Variants in SH3BGRL observed in about 807,000 individuals in gnomAD.
The protein encoded by SH3BGRL is adapter SH3BGRL.
In SH3BGRL, 7 loss-of-function variants were observed where a neutral mutation model predicts 9.8. The ratio of observed to expected loss-of-function variants is 0.72; its 90% CI spans 0.41 to 1.35. The LOEUF (loss-of-function observed/expected upper bound fraction) is 1.35, where lower values mean the gene tolerates loss of function less well. SH3BGRL is among the 40% of genes most tolerant of loss of function. SH3BGRL has a pLI of 0.01. For synonymous variants in SH3BGRL, 36 were observed against 29.1 expected (o/e 1.24, Z -0.76); for missense variants, 73 against 84.4 (o/e 0.86, Z 0.53).
intron 1 of SH3BGRL, among the ~76,000 whole-genome samples, chrX:81,235,147 C>G (rs1324203969): frequency 9.0e-6 from 1 of 110,841 alleles, no homozygotes; most frequent in East Asian, 2.8e-4. Context: ...ATGCTCCACA[C>G]TGTGCTTAGT....
chrX:81,208,186 C>T (rs773887022), intron 1 of SH3BGRL, among the ~76,000 whole-genome samples: 1 of 110,578 alleles, frequency 9.0e-6, no homozygotes, highest in Non-Finnish European at 1.9e-5. Context: ...GGCCTGAACC[C>T]GGAAGGCAGA....
rs2075800306 is a variant in SH3BGRL at position 81,277,007 on chromosome X, G to A, written c.69G>A (p.Val23=). The part of the protein sequence containing the change: ...STAIKKKQQD[V]LGFLEANKIG... ...AGATTAAGAAGAAACAACAAGATGTGCTTGGTTTCCTAGAAGCCAACAAAA... is the reference window on the plus strand; with the variant it reads ...AGATTAAGAAGAAACAACAAGATGTACTTGGTTTCCTAGAAGCCAACAAAA... Residue 23 remains valine, a synonymous_variant, in exon 2 of 4, where the codon GTG becomes GTA. Coordinates refer to ENST00000373212, the MANE Select transcript of SH3BGRL (RefSeq NM_003022.3). The A allele has an allele frequency of 8.3e-7, 1 of 1,206,679 alleles. No homozygotes were observed. The highest frequency in any genetic ancestry group is 1.8e-5 in the South Asian group (1 of 56,201).
chrX:81,239,819 G>T lies in SH3BGRL; in HGVS notation c.46-37165G>T, dbSNP rs189834228. ...CAATGGAGCTCCAATGCATCTGGCAGCAGACTATTCAGTGGAAACCTTACA... is the reference window on the plus strand; with the variant it reads ...CAATGGAGCTCCAATGCATCTGGCATCAGACTATTCAGTGGAAACCTTACA... On this transcript the variant is annotated intron_variant, in intron 1 of 3. Transcript: ENST00000373212. 3.6e-5 allele frequency among the ~76,000 whole-genome samples: 4 copies of T among 112,367 alleles called. No individual in the cohort carries two copies. The East Asian group carries it at 1.1e-3, about 31-fold the overall frequency.
rs760591780 is a variant in SH3BGRL, at chrX:81,292,933, C to CA, written c.313-4252dup. On this transcript the variant is annotated intron_variant, in intron 3 of 3. Transcript: ENST00000373212. ...ATAGCTGATGAACTAAAAAATATTG[C>CA]AAAAAAAAAATCTCATAATGTTTTA... Among the ~76,000 whole-genome samples, 971 of 107,503 alleles carry CA rather than the reference C, an allele frequency of 9.0e-3. 8 individuals carry two copies. Among genetic ancestry groups the CA allele is most frequent in the African/African-American group, 0.03 (902 of 29,671 alleles). 93.4% of individuals were successfully genotyped at this position (107,503 alleles called of 115,157 possible).
chrX:81,285,844 C>T (rs1245795735), intron 3 of SH3BGRL, among the ~76,000 whole-genome samples: 2 of 111,694 alleles, frequency 1.8e-5, no homozygotes, highest in Non-Finnish European at 3.8e-5. Flanking sequence ...ATTCTAATTA[C>T]ATTTAAAATG....
At chrX:81,229,440 G>T (rs2075626310) in intron 1 of SH3BGRL, among the ~76,000 whole-genome samples, 1 of 111,867 alleles carries the variant, frequency 8.9e-6, no homozygotes, top group African/African-American at 3.3e-5. Context: ...GGGGTTTCTT[G>T]CCTTGGTGTA....
chrX:81,262,990 A>G (rs1411316601), intron 1 of SH3BGRL, among the ~76,000 whole-genome samples: 1 of 111,581 alleles, frequency 9.0e-6, no homozygotes, highest in Non-Finnish European at 1.9e-5. Context: ...TGACTTTGAC[A>G]TGTGAAATGA....
rs762484766 is a variant in SH3BGRL, at chrX:81,253,825, A to G, written c.46-23159A>G. Among the ~76,000 whole-genome samples, 4 of 112,161 alleles carry G rather than the reference A, an allele frequency of 3.6e-5. No homozygotes were observed. The East Asian group carries it at 8.4e-4, about 24-fold the overall frequency. On this transcript the variant is annotated intron_variant, in intron 1 of 3. Transcript: ENST00000373212. Reference sequence around the variant, plus strand: ...TTTGTTCTGTATTATCTTTTCAAAGATGCAAATATCCTTGAAAGATATAGT... The same window carrying G: ...TTTGTTCTGTATTATCTTTTCAAAGGTGCAAATATCCTTGAAAGATATAGT...
intron 1 of SH3BGRL, among the ~76,000 whole-genome samples, chrX:81,239,848 C>T (rs932104734): frequency 2.7e-5 from 3 of 111,732 alleles, no homozygotes; most frequent in Admixed American, 9.5e-5. Context: ...CCTTACAGAC[C>T]GGGAGAGAGT....
At chrX:81,265,424 T>G (rs775654269) in intron 1 of SH3BGRL, among the ~76,000 whole-genome samples, 1 of 110,083 alleles carries the variant, frequency 9.1e-6, no homozygotes, top group East Asian at 2.9e-4. Flanking sequence ...GTGTTCTCAT[T>G]GTTCAACTCC....
In SH3BGRL at chrX:81,283,375, C is replaced by T. The variant is rs759818037; in HGVS notation, c.312+4964C>T. ...GAAAGGACACAACCAAAAAAGAAAA[C>T]TACACACCAATATCCTTGATGAACA... On this transcript the variant is annotated intron_variant, in intron 3 of 3. Transcript: ENST00000373212. Among the ~76,000 whole-genome samples the T allele has an allele frequency of 9.0e-5, 10 of 111,401 alleles. No homozygotes were observed. In the South Asian group the frequency reaches 3.7e-3, roughly 42 times the overall value.
chrX:81,242,403 A>T (rs761870982), intron 1 of SH3BGRL, among the ~76,000 whole-genome samples: 9 of 112,145 alleles, frequency 8.0e-5, no homozygotes, highest in South Asian at 3.7e-4. Context: ...TGCCATATAC[A>T]AAAATCATAT....
chrX:81,247,951 T>TG (rs966179311), intron 1 of SH3BGRL, among the ~76,000 whole-genome samples: 1 of 107,695 alleles, frequency 9.3e-6, no homozygotes, highest in African/African-American at 3.4e-5. Context: ...GGTTGGAAGT[T>TG]TTTTTTTTTA....
chrX:81,224,048 G>A (rs2075609084), intron 1 of SH3BGRL, among the ~76,000 whole-genome samples: 1 of 111,248 alleles, frequency 9.0e-6, no homozygotes, highest in Admixed American at 9.5e-5. Flanking sequence ...CATGATAGTT[G>A]ATAGTGTTAT....
At position 81,279,619 on chromosome X, in the gene SH3BGRL, C is replaced by T. The variant is rs748584669; in HGVS notation, c.312+1208C>T. ...GAGAAGTTTCCAACTTTACCTGGAG[C>T]TGAGTCAAGTTAGAGAGCCCAGCGA... On this transcript the variant is annotated intron_variant, in intron 3 of 3. Coordinates refer to ENST00000373212, the MANE Select transcript of SH3BGRL (RefSeq NM_003022.3). Among the ~76,000 whole-genome samples the T allele has an allele frequency of 3.6e-5, 4 of 111,177 alleles. No individual in the cohort carries two copies. The South Asian group carries it at 1.5e-3, about 43-fold the overall frequency.
intron 1 of SH3BGRL, among the ~76,000 whole-genome samples, chrX:81,251,438 C>G (rs2075710403): frequency 9.3e-6 from 1 of 108,043 alleles, no homozygotes; most frequent in South Asian, 3.9e-4. Flanking sequence ...TTATTTATGA[C>G]TTAATTCTTT....
In SH3BGRL at chrX:81,277,015, T is replaced by G; in HGVS notation, c.77T>G (p.Phe26Cys). The change falls in exon 2 of 4, where the codon TTC (phenylalanine) becomes TGC (cysteine). Residue 26 changes from phenylalanine to cysteine, a missense_variant. By Grantham distance (205) the Phe-to-Cys change is radical. Transcript: ENST00000373212. ...AAGAAACAACAAGATGTGCTTGGTT[T>G]CCTAGAAGCCAACAAAATAGGATTT... ...IKKKQQDVLG[F>C]LEANKIGFEE... The G allele has an allele frequency of 8.3e-7, 1 of 1,208,997 alleles. No individual in the cohort carries two copies. Among genetic ancestry groups the G allele is most frequent in the Non-Finnish European group, 1.1e-6 (1 of 894,165 alleles).
intron 1 of SH3BGRL, among the ~76,000 whole-genome samples, chrX:81,254,659 A>G (rs765440271): frequency 9.0e-6 from 1 of 111,531 alleles, no homozygotes; most frequent in Non-Finnish European, 1.9e-5. Flanking sequence ...GATGATTACC[A>G]TGTGGACCCA....
chrX:81,276,276 A>G (rs1360040546), intron 1 of SH3BGRL, among the ~76,000 whole-genome samples: 1 of 109,324 alleles, frequency 9.1e-6, no homozygotes, highest in Non-Finnish European at 1.9e-5. Context: ...GGTTATCTAG[A>G]TGAACATATT....
Sources: allele counts gnomAD v4.1 joint callset (sites outside exome capture counted in the v4.1 genomes callset), GRCh38; gene constraint gnomAD v4.1.1; transcripts MANE v1.5; gene names NCBI Gene and HGNC (gene_info 2026-07-23, HGNC 2026-07-21).